Variants in GRAMD4 observed in about 807,000 individuals in gnomAD.
GRAMD4 encodes the protein GRAM domain-containing protein 4.
GRAMD4 carries 25 observed loss-of-function variants against 83.9 expected under a neutral mutation model. That is an observed-to-expected ratio of 0.30 (90% CI 0.22 to 0.42). The LOEUF (loss-of-function observed/expected upper bound fraction) is 0.42. Ranked by LOEUF, GRAMD4 falls within the 10% of genes least tolerant of loss-of-function variation. GRAMD4 has a pLI of 1.00. For missense variants in GRAMD4, 593 were observed against 788.7 expected (o/e 0.75, Z 2.97); for synonymous variants, 336 against 320.9 (o/e 1.05, Z -0.50).
chr22:46,650,054 G>A (rs1302418453), intron 3 of GRAMD4, among the ~76,000 whole-genome samples: 1 of 152,242 alleles, frequency 6.6e-6, no homozygotes, highest in East Asian at 1.9e-4. Flanking sequence ...GCCTCTGGGT[G>A]TGCGGGCCTC....
At chr22:46,647,169 C>T (rs534171773) in intron 3 of GRAMD4, among the ~76,000 whole-genome samples, 4 of 152,238 alleles carry the variant, frequency 2.6e-5, no homozygotes, top group South Asian at 4.1e-4. Context: ...TAATAAGTGA[C>T]GACTGTGAGT....
intron 3 of GRAMD4, among the ~76,000 whole-genome samples, chr22:46,649,063 AC>A (rs1447421943): frequency 5.3e-5 from 8 of 152,206 alleles, no homozygotes; most frequent in Non-Finnish European, 1.2e-4. Context: ...CTTACTGGCC[AC>A]CTTCCAGAGC....
intron 3 of GRAMD4, among the ~76,000 whole-genome samples, chr22:46,654,950 G>A (rs2082220577): frequency 6.6e-6 from 1 of 152,172 alleles, no homozygotes; most frequent in South Asian, 2.1e-4. Context: ...ACACGGAGTG[G>A]GAATCATGTC....
chr22:46,615,500 G>C (rs1385872783), upstream of GRAMD4, among the ~76,000 whole-genome samples: 1 of 137,792 alleles, frequency 7.3e-6, no homozygotes, highest in Non-Finnish European at 1.6e-5. Flanking sequence ...CGTGTGTGCG[G>C]GTTCCCCTGT....
intron 3 of GRAMD4, among the ~76,000 whole-genome samples, chr22:46,652,360 C>T (rs1483315640): frequency 6.6e-6 from 1 of 152,174 alleles, no homozygotes; most frequent in African/African-American, 2.4e-5. Flanking sequence ...AATGGGTCTC[C>T]CCCTTCCCGG....
chr22:46,603,715 A>ACC (rs2081338132), intron 1 of GRAMD4, among the ~76,000 whole-genome samples: 2 of 149,216 alleles, frequency 1.3e-5, no homozygotes, highest in Non-Finnish European at 1.5e-5. Flanking sequence ...ACGGGGTTTC[A>ACC]ATGTGTTAGC....
rs547378660 is a variant in GRAMD4, at chr22:46,657,447, T to G, written c.284-740T>G. 7.9e-5 allele frequency among the ~76,000 whole-genome samples: 12 copies of G among 152,266 alleles called. No homozygotes were observed. The South Asian group carries it at 2.5e-3, about 32-fold the overall frequency. ...GGCCGGGTCCCCGTCTCTCCTGTCT[T>G]TAAGTGGTAGAAGTGTCCTGACTGC... On this transcript the variant is annotated intron_variant, in intron 3 of 18. Transcript: ENST00000406902.
intron 1 of GRAMD4, among the ~76,000 whole-genome samples, chr22:46,603,401 C>T (rs1037909008): frequency 6.1e-5 from 9 of 148,754 alleles, no homozygotes; most frequent in Non-Finnish European, 7.4e-5. Flanking sequence ...AGTAGAGACG[C>T]GGTTTCACCG....
At chr22:46,617,337 G>A (rs1352537660), upstream of GRAMD4, among the ~76,000 whole-genome samples, 2 of 150,782 alleles carry the variant, frequency 1.3e-5, no homozygotes, top group Non-Finnish European at 3.0e-5. Flanking sequence ...TAAGCATGTA[G>A]GTTCCCCCGT....
chr22:46,668,659 T>C, intron 11 of GRAMD4, 30 bp from the exon 12 acceptor site: 1 of 1,605,778 alleles, frequency 6.2e-7, no homozygotes, highest in Non-Finnish European at 8.5e-7. Context: ...GAGCGGGGGC[T>C]GTTGTAATTG....
chr22:46,674,518 C>T, intron 15 of GRAMD4, 139 bp from the exon 16 acceptor site: 1 of 718,694 alleles, frequency 1.4e-6, no homozygotes, highest in Non-Finnish European at 2.6e-6. Flanking sequence ...TGCCGGCGCG[C>T]CTTCCTCTCA....
At chr22:46,587,577 G>C (rs1382410823) in intron 1 of GRAMD4, among the ~76,000 whole-genome samples, 3 of 151,986 alleles carry the variant, frequency 2.0e-5, no homozygotes, top group African/African-American at 7.2e-5. Flanking sequence ...CAGCATACCT[G>C]GCAGGCAGCC....
chr22:46,636,333 A>G (rs2081887647), intron 2 of GRAMD4, among the ~76,000 whole-genome samples: 1 of 152,170 alleles, frequency 6.6e-6, no homozygotes, highest in Non-Finnish European at 1.5e-5. Flanking sequence ...AGCAGCTCCC[A>G]CAGGGTCCGT....
upstream of GRAMD4, among the ~76,000 whole-genome samples, chr22:46,618,790 G>A (rs904075327): frequency 4.5e-4 from 60 of 134,616 alleles, no homozygotes; most frequent in Non-Finnish European, 7.3e-4. The surrounding 1 kb of genome is among the most constrained non-coding windows in gnomAD (Gnocchi z 5.8). Flanking sequence ...GGAGGCGTGC[G>A]GCCGGCGTGC....
intron 1 of GRAMD4, among the ~76,000 whole-genome samples, chr22:46,625,334 T>C (rs2081641403): frequency 1.3e-5 from 2 of 152,296 alleles, no homozygotes; most frequent in South Asian, 2.1e-4. Context: ...CCACGAACTG[T>C]GATGCTGAGG....
At chr22:46,597,246 C>T (rs1003837037) in intron 1 of GRAMD4, among the ~76,000 whole-genome samples, 9 of 152,138 alleles carry the variant, frequency 5.9e-5, no homozygotes, top group Non-Finnish European at 1.2e-4. Flanking sequence ...TGGCAGGAGG[C>T]ATACTGCTAA....
chr22:46,618,159 C>T (rs1441068118), upstream of GRAMD4, among the ~76,000 whole-genome samples: 1 of 152,120 alleles, frequency 6.6e-6, no homozygotes, highest in Non-Finnish European at 1.5e-5. The surrounding 1 kb of genome is among the most constrained non-coding windows in gnomAD (Gnocchi z 5.8). Context: ...TTGTCACTGC[C>T]CACCACGTGC....
At chr22:46,625,107 G>A (rs539620947) in intron 1 of GRAMD4, among the ~76,000 whole-genome samples, 2 of 151,866 alleles carry the variant, frequency 1.3e-5, no homozygotes, top group East Asian at 2.0e-4. Flanking sequence ...TGATCCGCCC[G>A]CCTCGGCCTC....
At chr22:46,643,337 A>G (rs1225712506) in intron 3 of GRAMD4, among the ~76,000 whole-genome samples, 41 of 2,200 alleles carry the variant, frequency 0.019, no homozygotes, top group African/African-American at 0.17. Context: ...GCATCTATCC[A>G]TCCATCCATC....
Sources: allele counts gnomAD v4.1 joint callset (sites outside exome capture counted in the v4.1 genomes callset), GRCh38; gene constraint gnomAD v4.1.1; non-coding constraint Gnocchi (gnomAD v3.1); transcripts MANE v1.5; gene names NCBI Gene and HGNC (gene_info 2026-07-23, HGNC 2026-07-21).